The following FIRRM variants were observed in gnomAD, a reference collection of about 807,000 sequenced individuals.
FIRRM encodes the protein FIGNL1 interacting regulator of recombination and mitosis.
the FIRRM span, among the ~76,000 whole-genome samples, chr1:169,842,949 T>G: frequency 2.6e-5 from 4 of 152,230 alleles, no homozygotes; most frequent in Non-Finnish European, 5.9e-5. Context: ...GTGGCTAATT[T>G]GTATTTCTCT....
the FIRRM span, among the ~76,000 whole-genome samples, chr1:169,811,728 A>G: frequency 0.051 from 7,467 of 146,548 alleles, 398 homozygotes; most frequent in Non-Finnish European, 0.079. Flanking sequence ...AGATTATCTA[A>G]ATAGATAATA....
chr1:169,797,913 A>C, the FIRRM span, among the ~76,000 whole-genome samples: 7 of 152,152 alleles, frequency 4.6e-5, no homozygotes, highest in Non-Finnish European at 1.5e-5. Flanking sequence ...CATTTCTAAC[A>C]ATTATTCTAA....
At chr1:169,800,291 C>T in the FIRRM span, among the ~76,000 whole-genome samples, 11 of 151,314 alleles carry the variant, frequency 7.3e-5, no homozygotes, top group South Asian at 2.3e-3. Flanking sequence ...ACAGTCCTCC[C>T]GCCTCAGCCA....
At chr1:169,847,736 ATG>A in the FIRRM span, 1 of 1,613,664 alleles carries the variant, frequency 6.2e-7, no homozygotes, top group Middle Eastern at 1.7e-4. Context: ...CTTCCTGACT[ATG>A]TTCGTTTGGC....
chr1:169,827,123 A>G, the FIRRM span: 2 of 1,613,820 alleles, frequency 1.2e-6, no homozygotes, highest in Non-Finnish European at 1.7e-6. Flanking sequence ...GTGCTTTCCT[A>G]GTGACACTGG....
the FIRRM span, chr1:169,793,357 T>C: frequency 6.2e-7 from 1 of 1,614,234 alleles, no homozygotes; most frequent in Non-Finnish European, 8.5e-7. Flanking sequence ...CTTTATTTTC[T>C]AACATCTTCT....
the FIRRM span, chr1:169,830,154 T>C: frequency 2.1e-6 from 2 of 932,824 alleles, no homozygotes. Context: ...GGATCTGTTA[T>C]TTGGATTCTG....
the FIRRM span, among the ~76,000 whole-genome samples, chr1:169,848,193 A>G: frequency 1.3e-5 from 2 of 152,188 alleles, no homozygotes; most frequent in Non-Finnish European, 2.9e-5. Flanking sequence ...TTTAAAGACG[A>G]TATTTTTGAA....
At chr1:169,820,906 T>C in the FIRRM span, among the ~76,000 whole-genome samples, 1 of 152,108 alleles carries the variant, frequency 6.6e-6, no homozygotes. Context: ...TGAAAGCAAG[T>C]TTATGAAGAA....
At chr1:169,795,376 A>T in the FIRRM span, 7 of 1,408,192 alleles carry the variant, frequency 5.0e-6, no homozygotes, top group Non-Finnish European at 6.5e-6. Context: ...GAGGGACTGG[A>T]GGGGAAGCGA....
chr1:169,843,006 A>G, the FIRRM span, among the ~76,000 whole-genome samples: 3 of 152,216 alleles, frequency 2.0e-5, no homozygotes, highest in African/African-American at 7.2e-5. Context: ...AACTAATGAT[A>G]TGCATCCCAC....
the FIRRM span, chr1:169,799,015 A>G: frequency 2.9e-6 from 2 of 682,036 alleles, no homozygotes; most frequent in Non-Finnish European, 4.9e-6. Flanking sequence ...CCGAGTCCCC[A>G]CATACCTCGG....
chr1:169,795,365 T>C, the FIRRM span: 2 of 1,412,518 alleles, frequency 1.4e-6, no homozygotes, highest in Non-Finnish European at 1.9e-6. Flanking sequence ...GGATGAAAAG[T>C]GAGGGACTGG....
chr1:169,832,254 A>G, the FIRRM span, among the ~76,000 whole-genome samples: 1 of 152,248 alleles, frequency 6.6e-6, no homozygotes, highest in Non-Finnish European at 1.5e-5. Context: ...TTCTAAATTT[A>G]GATTCATTGA....
the FIRRM span, chr1:169,850,330 A>G: frequency 6.2e-7 from 1 of 1,607,170 alleles, no homozygotes; most frequent in Non-Finnish European, 8.5e-7. Flanking sequence ...ACAAAGTTGT[A>G]TCCTTTCTGG....
the FIRRM span, among the ~76,000 whole-genome samples, chr1:169,808,950 A>T: frequency 5.3e-5 from 8 of 152,200 alleles, no homozygotes; most frequent in African/African-American, 1.7e-4. Flanking sequence ...TTCCTTGAAT[A>T]GCAATGACAT....
At chr1:169,827,687 T>G in the FIRRM span, 1 of 1,613,042 alleles carries the variant, frequency 6.2e-7, no homozygotes, top group South Asian at 1.1e-5. Flanking sequence ...TCTGCTGAAT[T>G]AATGTGTTTT....
the FIRRM span, chr1:169,851,704 C>G: frequency 7.7e-7 from 1 of 1,293,798 alleles, no homozygotes; most frequent in African/African-American, 1.5e-5. Flanking sequence ...CATGTGACTT[C>G]CAGAATTTGC....
the FIRRM span, chr1:169,795,123 C>A: frequency 6.5e-7 from 1 of 1,536,004 alleles, no homozygotes; most frequent in African/African-American, 1.4e-5. Context: ...AAGGTGCGGT[C>A]CCAGCTAGCG....
Sources: gnomAD v4.1 joint callset for allele counts (sites outside exome capture counted in the v4.1 genomes callset) on GRCh38, gnomAD v4.1.1 for gene constraint, MANE v1.5 for transcripts, NCBI Gene and HGNC (gene_info 2026-07-23, HGNC 2026-07-21) for gene names.